LARP1B: variants seen among roughly 807,000 people sequenced by gnomAD.
LARP1B encodes La ribonucleoprotein 1B, also known as la-related protein 1B.
Under a neutral mutation model 114.2 loss-of-function variants are expected in LARP1B, and 76 were observed. That is an observed-to-expected ratio of 0.67 (90% CI 0.55 to 0.81). The LOEUF is 0.81. Among genes scored for constraint, LARP1B ranks in the 30% least tolerant of loss-of-function variants. LARP1B has a pLI of 0.00. For missense variants in LARP1B, 1,014 were observed against 1,075.8 expected (o/e 0.94, Z 0.80); for synonymous variants, 345 against 348.0 (o/e 0.99, Z 0.10).
At chr4:128,166,944 CTCTCTCTCTCTCTCTCTCTCTCTCTCTA>C (rs1219524212) in intron 12 of LARP1B, among the ~76,000 whole-genome samples, 1 of 96,478 alleles carries the variant, frequency 1.0e-5, no homozygotes, top group East Asian at 3.1e-4. Context: ...CTCTCTCTCT[CTCTCTCTCTCTCTCTCTCTCTCTCTCTA>C]TATATATATA....
rs892525790 is a variant in LARP1B, at chr4:128,096,032, T to C, written c.669-2154T>C. On this transcript the variant is annotated intron_variant, in intron 7 of 19. Transcript: ENST00000326639. ...TTTTTGAGACGGAGTCTCGCTCTGT[T>C]GCCCAGGCTGGAGTGCAGTGGCACG... is the stretch of plus-strand genomic sequence containing the variant. 3.3e-5 allele frequency among the ~76,000 whole-genome samples: 5 copies of C among 151,054 alleles called. No homozygotes were observed. The South Asian group carries it at 6.3e-4, about 19-fold the overall frequency.
intron 1 of LARP1B, among the ~76,000 whole-genome samples, chr4:128,071,388 A>G (rs1765285957): frequency 6.9e-6 from 1 of 145,572 alleles, no homozygotes; most frequent in East Asian, 2.1e-4. Context: ...TGATACTCCC[A>G]CTATTAGAGT....
At chr4:128,164,899 G>A (rs555877573) in intron 12 of LARP1B, among the ~76,000 whole-genome samples, 14 of 152,004 alleles carry the variant, frequency 9.2e-5, no homozygotes, top group Non-Finnish European at 1.8e-4. Flanking sequence ...GTAGTCATAC[G>A]TAGGAAAAAT....
chr4:128,114,049 A>G (rs1785003642), intron 9 of LARP1B, among the ~76,000 whole-genome samples: 1 of 152,194 alleles, frequency 6.6e-6, no homozygotes, highest in South Asian at 2.1e-4. Flanking sequence ...AAAGTAGTAA[A>G]TGACTACACT....
intron 7 of LARP1B, among the ~76,000 whole-genome samples, chr4:128,091,851 C>T (rs1776036249): frequency 1.3e-5 from 2 of 152,164 alleles, no homozygotes; most frequent in Non-Finnish European, 2.9e-5. Flanking sequence ...CCCACCTTGG[C>T]CTCTCAAAGT....
At chr4:128,118,298 C>A (rs1228656363) in intron 10 of LARP1B, among the ~76,000 whole-genome samples, 1 of 144,612 alleles carries the variant, frequency 6.9e-6, no homozygotes, top group African/African-American at 2.6e-5. Flanking sequence ...GTGGCGCGAT[C>A]TCGGCTCCCT....
At chr4:128,063,627 A>G (rs1241672726) in intron 1 of LARP1B, among the ~76,000 whole-genome samples, 2 of 149,292 alleles carry the variant, frequency 1.3e-5, no homozygotes, top group African/African-American at 4.9e-5. Context: ...TATAAATACA[A>G]AATTAACCTG....
At chr4:128,159,742 A>G (rs1365698915) in intron 11 of LARP1B, among the ~76,000 whole-genome samples, 1 of 152,190 alleles carries the variant, frequency 6.6e-6, no homozygotes, top group African/African-American at 2.4e-5. Flanking sequence ...GATCAACAGG[A>G]ACTTTAATAT....
At chr4:128,118,051 G>A (rs1463987143) in intron 10 of LARP1B, among the ~76,000 whole-genome samples, 1 of 148,132 alleles carries the variant, frequency 6.8e-6, no homozygotes, top group East Asian at 2.0e-4. Context: ...AAGTAGCTGG[G>A]ACTACAGGCA....
At chr4:128,158,486 T>C (rs1736869952) in intron 11 of LARP1B, among the ~76,000 whole-genome samples, 1 of 152,090 alleles carries the variant, frequency 6.6e-6, no homozygotes, top group Admixed American at 6.6e-5. Context: ...CAAGATACTA[T>C]AAGAGAATAA....
At chr4:128,144,561 C>A (rs1729490542) in intron 11 of LARP1B, among the ~76,000 whole-genome samples, 1 of 151,762 alleles carries the variant, frequency 6.6e-6, no homozygotes, top group Non-Finnish European at 1.5e-5. Flanking sequence ...TTGTGAAATC[C>A]TAGGCTCAAG....
intron 9 of LARP1B, among the ~76,000 whole-genome samples, chr4:128,114,089 A>G (rs1255284508): frequency 6.6e-6 from 1 of 152,234 alleles, no homozygotes; most frequent in Non-Finnish European, 1.5e-5. Flanking sequence ...AACCTTGCTG[A>G]GCCAAGGAAA....
rs555820496 is a variant in LARP1B, at chr4:128,169,677, C to G, written c.1649-7195C>G. On this transcript the variant is annotated intron_variant, in intron 12 of 19. Transcript: ENST00000326639. ...AGAATCTCGGAGTCTCGCCCTGTCG[C>G]CCAGGCTGGAGTGCAGTGGTACAAT... Among the ~76,000 whole-genome samples, 8 of 152,118 alleles carry G rather than the reference C, an allele frequency of 5.3e-5. No individual in the cohort carries two copies. In the South Asian group the frequency reaches 1.7e-3, roughly 32 times the overall value.
intron 10 of LARP1B, among the ~76,000 whole-genome samples, chr4:128,116,902 GA>G (rs1786044925): frequency 6.9e-6 from 1 of 145,876 alleles, no homozygotes; most frequent in Non-Finnish European, 1.5e-5. Context: ...TTTATCAAGT[GA>G]TTTTTTTTTC....
intron 5 of LARP1B, among the ~76,000 whole-genome samples, chr4:128,083,217 T>C (rs948389569): frequency 3.1e-4 from 47 of 152,294 alleles, no homozygotes; most frequent in African/African-American, 9.6e-4. Flanking sequence ...TGTCTACTAC[T>C]TTCCACACAG....
rs1235630069 is a variant in LARP1B at position 128,210,469 on chromosome 4, G to C, written c.*416G>C. The C allele has an allele frequency of 1.0e-6, 1 of 993,582 alleles. No homozygotes were observed. The highest frequency in any genetic ancestry group is 1.7e-5 in the African/African-American group (1 of 57,316). 61.5% of individuals were successfully genotyped at this position (993,582 alleles called of 1,614,324 possible). A position where few individuals can be genotyped will look rare whatever the true frequency, so the allele number is the denominator to read the frequency against. On this transcript the variant is annotated 3_prime_UTR_variant, in exon 20 of 20. Transcript: ENST00000326639. ...TAGTATGTTGTATTCTCTTCTTAGA[G>C]CTTTCTTAAAGAATCCACAATCCAA...
At position 128,179,288 on chromosome 4, in the gene LARP1B, C is replaced by T. The variant is rs1747525593; in HGVS notation, c.1897-118C>T. 5.8e-6 allele frequency: 3 copies of T among 518,122 alleles called. No homozygotes were observed. The East Asian group carries it at 9.9e-5, about 17-fold the overall frequency. The allele number at this position is 518,122 out of a possible 1,614,324, so 32.1% of individuals were successfully genotyped here. A position where few individuals can be genotyped will look rare whatever the true frequency, so the allele number is the denominator to read the frequency against. ...AGTTTTGTGACTTCATATGATTTCA[C>T]AATGTGTTATCTACAGTATGAAAAT... On this transcript the variant is annotated intron_variant, in intron 14 of 19. Coordinates refer to ENST00000326639, the MANE Select transcript of LARP1B (RefSeq NM_018078.4).
intron 12 of LARP1B, among the ~76,000 whole-genome samples, chr4:128,170,628 T>C (rs1346394639): frequency 6.6e-6 from 1 of 152,224 alleles, no homozygotes; most frequent in South Asian, 2.1e-4. Context: ...GATTTTAATA[T>C]AGCCATTCCA....
At chr4:128,063,200 G>A (rs904115480) in intron 1 of LARP1B, among the ~76,000 whole-genome samples, 1 of 151,708 alleles carries the variant, frequency 6.6e-6, no homozygotes, top group Non-Finnish European at 1.5e-5. Flanking sequence ...GCCGAGGCGG[G>A]CGGATCACCT....
Sources: gnomAD v4.1 joint callset for allele counts (sites outside exome capture counted in the v4.1 genomes callset) on GRCh38, gnomAD v4.1.1 for gene constraint, MANE v1.5 for transcripts, NCBI Gene and HGNC (gene_info 2026-07-23, HGNC 2026-07-21) for gene names.